The following ARHGAP15 variants were observed in gnomAD, a reference collection of about 807,000 sequenced individuals.
ARHGAP15 encodes rho GTPase-activating protein 15.
In ARHGAP15, 51 loss-of-function variants were observed where a neutral mutation model predicts 63.7. That is an observed-to-expected ratio of 0.80 (90% CI 0.64 to 1.01). The LOEUF (loss-of-function observed/expected upper bound fraction) is 1.01. ARHGAP15 is among the 50% of genes least tolerant of loss of function. The pLI is 0.00. For synonymous variants in ARHGAP15, 191 were observed against 193.8 expected, an observed-to-expected ratio of 0.99 and a Z score of 0.12; for missense variants, 560 against 564.6, an observed-to-expected ratio of 0.99 and a Z score of 0.08.
chr2:143,264,833 GA>G lies in ARHGAP15; in HGVS notation c.474+14234del, dbSNP rs1451733325. On this transcript the variant is annotated intron_variant, in intron 6 of 13. Coordinates refer to ENST00000295095, the MANE Select transcript of ARHGAP15 (RefSeq NM_018460.4). Reference sequence around the variant, plus strand: ...CGGTATTAACGGACCTTGGAAAAAAGATAATGAGACCACAGTTCTTGGTGTC... The same window carrying G: ...CGGTATTAACGGACCTTGGAAAAAAGTAATGAGACCACAGTTCTTGGTGTC... 6.6e-5 allele frequency among the ~76,000 whole-genome samples: 10 copies of G among 152,226 alleles called. No homozygotes were observed. In the East Asian group the frequency reaches 1.9e-3, roughly 29 times the overall value.
At chr2:143,413,794 A>G (rs1688546473) in intron 6 of ARHGAP15, among the ~76,000 whole-genome samples, 2 of 152,104 alleles carry the variant, frequency 1.3e-5, no homozygotes, top group Admixed American at 6.6e-5. Flanking sequence ...TTTTCAATGC[A>G]GAATGCCTCA....
At chr2:143,541,780 T>A (rs1335836119) in intron 10 of ARHGAP15, among the ~76,000 whole-genome samples, 2 of 152,158 alleles carry the variant, frequency 1.3e-5, no homozygotes, top group Non-Finnish European at 2.9e-5. Context: ...GGTGTTAGTC[T>A]GCCCCTACTG....
At chr2:143,560,955 G>A (rs999671971) in intron 11 of ARHGAP15, among the ~76,000 whole-genome samples, 4 of 152,170 alleles carry the variant, frequency 2.6e-5, no homozygotes, top group Admixed American at 2.6e-4. Flanking sequence ...GCTTTGTGAA[G>A]GCATCCCCAA....
chr2:143,136,406 T>C (rs1433106414), intron 1 of ARHGAP15, among the ~76,000 whole-genome samples: 2 of 152,092 alleles, frequency 1.3e-5, no homozygotes, highest in Non-Finnish European at 2.9e-5. Flanking sequence ...GACACTTGGA[T>C]GAACATCAAA....
At chr2:143,307,640 G>A (rs78798759) in intron 6 of ARHGAP15, among the ~76,000 whole-genome samples, 1 of 151,924 alleles carries the variant, frequency 6.6e-6, no homozygotes, top group Non-Finnish European at 1.5e-5. Flanking sequence ...AGTGTGAAAA[G>A]AGAGAGAAAA....
Position 143,287,897 on chromosome 2 carries a change from G to A in ARHGAP15, c.474+37297G>A, listed in dbSNP as rs748797785. Among the ~76,000 whole-genome samples the A allele has an allele frequency of 3.6e-4, 55 of 152,156 alleles. 1 individual carries two copies. Among genetic ancestry groups the A allele is most frequent in the South Asian group, 4.1e-4 (2 of 4,830 alleles). On this transcript the variant is annotated intron_variant, in intron 6 of 13. Transcript: ENST00000295095. ...TGCCCAGACATATCTCACCCCTGCA[G>A]GCTATGCCTTTCAGGTGAAGGATGC...
At chr2:143,364,913 C>T (rs1021433166) in intron 6 of ARHGAP15, among the ~76,000 whole-genome samples, 7 of 152,016 alleles carry the variant, frequency 4.6e-5, no homozygotes, top group Admixed American at 6.6e-5. Context: ...GGCTGAGGCA[C>T]GAGAATTGCT....
intron 7 of ARHGAP15, 24 bp from the exon 8 acceptor site, chr2:143,436,888 CA>C (rs1689636194): frequency 6.3e-7 from 1 of 1,589,710 alleles, no homozygotes; most frequent in Admixed American, 1.9e-5. Flanking sequence ...TAAAATTATT[CA>C]GTCTAATTAT....
intron 6 of ARHGAP15, among the ~76,000 whole-genome samples, chr2:143,266,873 C>A (rs931354323): frequency 6.6e-6 from 1 of 152,138 alleles, no homozygotes; most frequent in East Asian, 1.9e-4. Context: ...TGTATGGCCC[C>A]TGTATCAGCC....
At position 143,268,562 on chromosome 2, in the gene ARHGAP15, A is replaced by G. The variant is rs570714348; in HGVS notation, c.474+17962A>G. 4.6e-5 allele frequency among the ~76,000 whole-genome samples: 7 copies of G among 152,310 alleles called. No individual in the cohort carries two copies. In the South Asian group the frequency reaches 1.4e-3, roughly 32 times the overall value. On this transcript the variant is annotated intron_variant, in intron 6 of 13. Transcript: ENST00000295095. ...TTTCTTTAGAACAAATAGGAAAGTC[A>G]AGGAAAAACTCATTGTACTAGTTTA...
At position 143,269,757 on chromosome 2, in the gene ARHGAP15, G is replaced by A. The variant is rs547300170; in HGVS notation, c.474+19157G>A. ...TTTGATTATACTGAGAAAATCAAGA[G>A]GAAAATTATTTAAAATAAATCATTC... On this transcript the variant is annotated intron_variant, in intron 6 of 13. Transcript: ENST00000295095. Among the ~76,000 whole-genome samples the A allele has an allele frequency of 2.0e-5, 3 of 151,920 alleles. No homozygotes were observed. In the South Asian group the frequency reaches 6.2e-4, roughly 32 times the overall value.
intron 6 of ARHGAP15, among the ~76,000 whole-genome samples, chr2:143,266,721 C>A (rs1004640618): frequency 6.6e-6 from 1 of 151,842 alleles, no homozygotes; most frequent in Non-Finnish European, 1.5e-5. Context: ...AATTCTTATG[C>A]TTTTTTTCAT....
chr2:143,533,217 T>C (rs1290199877), intron 10 of ARHGAP15: 1 of 152,222 alleles, frequency 6.6e-6, no homozygotes, highest in Non-Finnish European at 1.5e-5. Flanking sequence ...TTTTAGTTCA[T>C]TTTTATGACA....
intron 2 of ARHGAP15, among the ~76,000 whole-genome samples, chr2:143,156,465 A>T (rs1041690965): frequency 6.6e-6 from 1 of 151,894 alleles, no homozygotes; most frequent in Admixed American, 6.6e-5. Context: ...TTAGCTGGGG[A>T]CAGGCTGAGT....
intron 9 of ARHGAP15, among the ~76,000 whole-genome samples, chr2:143,489,942 C>T (rs1692505396): frequency 6.6e-6 from 1 of 152,112 alleles, no homozygotes; most frequent in South Asian, 2.1e-4. Flanking sequence ...AATTGTGCTT[C>T]CTGAAACCTG....
intron 5 of ARHGAP15, among the ~76,000 whole-genome samples, 194 bp downstream of exon 5, chr2:143,228,862 AT>A: frequency 6.6e-6 from 1 of 152,332 alleles, no homozygotes; most frequent in East Asian, 1.9e-4. Context: ...TAAGTGGTGC[AT>A]TTGGAGAATA....
intron 6 of ARHGAP15, among the ~76,000 whole-genome samples, chr2:143,250,821 G>T (rs1680122931): frequency 1.3e-5 from 2 of 151,994 alleles, no homozygotes. Flanking sequence ...GTTGCACGTT[G>T]ATTAATATAA....
At chr2:143,534,084 A>T (rs573972712) in intron 10 of ARHGAP15, among the ~76,000 whole-genome samples, 57 of 152,232 alleles carry the variant, frequency 3.7e-4, no homozygotes, top group African/African-American at 1.3e-3. Flanking sequence ...AATCTCCATA[A>T]TCCCCACATG....
chr2:143,315,455 G>A (rs1328867218), intron 6 of ARHGAP15, among the ~76,000 whole-genome samples: 1 of 152,024 alleles, frequency 6.6e-6, no homozygotes, highest in African/African-American at 2.4e-5. Context: ...TGGCTCCCAA[G>A]CACAGCTAAA....
Sources: allele counts gnomAD v4.1 joint callset (sites outside exome capture counted in the v4.1 genomes callset), GRCh38; gene constraint gnomAD v4.1.1; transcripts MANE v1.5; gene names NCBI Gene and HGNC (gene_info 2026-07-23, HGNC 2026-07-21).